The following PC variants were observed in gnomAD, a reference collection of about 807,000 sequenced individuals.
The protein encoded by PC is pyruvate carboxylase.
Under a neutral mutation model 107.8 loss-of-function variants are expected in PC, and 46 were observed. The observed-to-expected ratio is 0.43, with a 90% CI of 0.34 to 0.55. The LOEUF is 0.55. PC is among the 20% of genes least tolerant of loss of function. The pLI is 0.04. For missense variants in PC, 1,241 were observed against 1,643.1 expected (o/e 0.76, Z 4.23); for synonymous variants, 662 against 684.7 (o/e 0.97, Z 0.52).
intron 3 of PC, among the ~76,000 whole-genome samples, chr11:66,939,932 C>A (rs1308441786): frequency 6.7e-6 from 1 of 149,978 alleles, no homozygotes; most frequent in Non-Finnish European, 1.5e-5. Context: ...AAACATAAGA[C>A]CTAAAATGAC....
rs749960473 is a variant in PC at position 66,850,042 on chromosome 11, G to C, written c.2793C>G (p.Ala931=). 6.2e-7 allele frequency: 1 copy of C among 1,613,638 alleles called. No homozygotes were observed. ...MVQNGLSRAE[A]EAQAEELSFP... The stretch of plus-strand genomic sequence containing the variant: ...AGGACAGCTCTTCCGCCTGAGCTTC[G>C]GCCTCTGCCCGGCTCAATCCATTCT... The change falls in exon 20 of 23, where the codon GCC becomes GCG. Residue 931 remains alanine, a synonymous_variant. Transcript: ENST00000393960.
intron 12 of PC, among the ~76,000 whole-genome samples, chr11:66,862,025 G>GC (rs1446574267): frequency 6.6e-6 from 1 of 152,150 alleles, no homozygotes; most frequent in Admixed American, 6.5e-5. Context: ...CCAGGAGCCA[G>GC]CCAGGACCAC....
intron 1 of PC, among the ~76,000 whole-genome samples, chr11:66,955,655 G>C (rs890984936): frequency 2.0e-5 from 3 of 152,244 alleles, no homozygotes; most frequent in Non-Finnish European, 4.4e-5. Flanking sequence ...CAGGGTGAAG[G>C]AGCCATTAGT....
At chr11:66,931,748 T>G (rs1038727730) in intron 3 of PC, among the ~76,000 whole-genome samples, 4 of 152,278 alleles carry the variant, frequency 2.6e-5, no homozygotes, top group Non-Finnish European at 4.4e-5. Context: ...CCGGGCGCAG[T>G]GGCTCACGCC....
At chr11:66,911,614 C>A (rs1243711253) in intron 3 of PC, among the ~76,000 whole-genome samples, 1 of 151,624 alleles carries the variant, frequency 6.6e-6, no homozygotes, top group Non-Finnish European at 1.5e-5. Flanking sequence ...TAAGACACAT[C>A]CCTGTCTTTA....
chr11:66,914,685 T>G (rs1160016778), intron 3 of PC, among the ~76,000 whole-genome samples: 2 of 152,220 alleles, frequency 1.3e-5, no homozygotes, highest in African/African-American at 4.8e-5. Flanking sequence ...AAACAGGCCT[T>G]GTCCCCTCGA....
At chr11:66,924,369 C>CAAAAAAGAAAA (rs1948665092) in intron 3 of PC, among the ~76,000 whole-genome samples, 1 of 65,590 alleles carries the variant, frequency 1.5e-5, no homozygotes, top group Non-Finnish European at 2.9e-5. Context: ...CCATCTCTAC[C>CAAAAAAGAAAA]AAAAAAAAAA....
intron 3 of PC, among the ~76,000 whole-genome samples, chr11:66,951,458 C>G (rs2081868389): frequency 6.6e-6 from 1 of 152,100 alleles, no homozygotes; most frequent in South Asian, 2.1e-4. Context: ...GTTGGGGGAA[C>G]TGTAAAAGCA....
At chr11:66,950,784 A>G (rs1023632754) in intron 3 of PC, among the ~76,000 whole-genome samples, 5 of 152,198 alleles carry the variant, frequency 3.3e-5, no homozygotes, top group African/African-American at 7.2e-5. Flanking sequence ...GGATTCTGCT[A>G]AGCAGCCTTC....
chr11:66,871,397 C>T lies in PC; in HGVS notation c.405G>A (p.Gly135=), dbSNP rs1946725736. 1 of 1,613,726 alleles carries T rather than the reference C, an allele frequency of 6.2e-7. No individual in the cohort carries two copies. The highest frequency in any genetic ancestry group is 1.1e-5 in the South Asian group (1 of 91,090). Residue 135 remains glycine, a synonymous_variant, in exon 6 of 23, where the codon GGG becomes GGA. Coordinates refer to ENST00000393960, the MANE Select transcript of PC (RefSeq NM_001040716.2). This position sits in a 1 kb window ranked among gnomAD's most constrained non-coding sequence, Gnocchi z 7.4. ...ADFAQACQDA[G]VRFIGPSPEV... ...CTGGGCTTGGCCCAATAAACCGGAC[C>T]CCTGCATCCTGGCAGGCCTGGGCGA...
At chr11:66,930,579 T>C (rs1012502612) in intron 3 of PC, among the ~76,000 whole-genome samples, 4 of 151,818 alleles carry the variant, frequency 2.6e-5, no homozygotes, top group Admixed American at 6.6e-5. Flanking sequence ...CTGTCTCTAT[T>C]AAAGATACAA....
chr11:66,866,224 G>T lies in PC; in HGVS notation c.1148C>A (p.Pro383His). Residue 383 changes from proline (P) to histidine (H), a missense_variant, in exon 11 of 23, where the codon CCC (proline) becomes CAC (histidine). Pro to His is a moderately conservative substitution (Grantham distance 77). Around this residue, in one of 2 missense-constraint regions of PC, gnomAD observed 1,143 missense variants for 1,551.9 expected, o/e 0.74. Transcript: ENST00000393960. This position sits in a 1 kb window ranked among gnomAD's most constrained non-coding sequence, Gnocchi z 5.4. ...AIQCRVTTED[P>H]ARSFQPDTGR... is the part of the protein sequence containing the mutation. ...GGTGTCCGGCTGGAAGCTGCGCGCG[G>T]GGTCCTCGGTGGTGACCCGGCACTG... 6.2e-7 allele frequency: 1 copy of T among 1,611,848 alleles called. No homozygotes were observed.
At chr11:66,887,505 A>G (rs1416148685) in intron 3 of PC, among the ~76,000 whole-genome samples, 1 of 152,224 alleles carries the variant, frequency 6.6e-6, no homozygotes, top group East Asian at 1.9e-4. Context: ...TTAAAAATAG[A>G]GTTGCAAAAT....
chr11:66,915,413 G>A (rs1210999969), intron 3 of PC, among the ~76,000 whole-genome samples: 1 of 152,240 alleles, frequency 6.6e-6, no homozygotes, highest in African/African-American at 2.4e-5. Flanking sequence ...CCTTCTGCCA[G>A]TCCCCCCTGA....
chr11:66,861,861 G>T (rs947179301), intron 12 of PC, among the ~76,000 whole-genome samples: 35 of 152,270 alleles, frequency 2.3e-4, no homozygotes, highest in African/African-American at 8.2e-4. Flanking sequence ...GCGGGGGACG[G>T]TCTAAAGAGG....
At chr11:66,873,459 T>C (rs1465096509) in intron 3 of PC, among the ~76,000 whole-genome samples, 1 of 79,846 alleles carries the variant, frequency 1.3e-5, no homozygotes, top group Non-Finnish European at 2.3e-5. Context: ...ATATAAAATA[T>C]ATATTATATA....
intron 3 of PC, among the ~76,000 whole-genome samples, chr11:66,936,250 C>T (rs913109368): frequency 3.4e-5 from 5 of 149,046 alleles, no homozygotes; most frequent in Non-Finnish European, 5.9e-5. Context: ...CTGTCACACA[C>T]ACACACAAAA....
At chr11:66,947,291 CA>C (rs879668967) in intron 3 of PC, among the ~76,000 whole-genome samples, 45 of 144,580 alleles carry the variant, frequency 3.1e-4, no homozygotes, top group Admixed American at 4.8e-4. Context: ...ATGAAATCAG[CA>C]AAAAAAAAAA....
chr11:66,913,309 T>G (rs1948385197), intron 3 of PC, among the ~76,000 whole-genome samples: 1 of 151,642 alleles, frequency 6.6e-6, no homozygotes, highest in African/African-American at 2.4e-5. Context: ...TTATGGGGAC[T>G]CGTCTATATA....
Sources: allele counts gnomAD v4.1 joint callset (sites outside exome capture counted in the v4.1 genomes callset), GRCh38; gene constraint gnomAD v4.1.1; regional missense constraint gnomAD v4.1.1; non-coding constraint Gnocchi (gnomAD v3.1); transcripts MANE v1.5; gene names NCBI Gene and HGNC (gene_info 2026-07-23, HGNC 2026-07-21).